ZNF410: variants seen among roughly 807,000 people sequenced by gnomAD.
ZNF410 encodes the protein zinc finger protein 410.
A neutral mutation model predicts 54.8 loss-of-function variants in ZNF410; 18 were observed. That is an observed-to-expected ratio of 0.33 (90% CI 0.23 to 0.49). The LOEUF is 0.49. ZNF410 is among the 20% of genes least tolerant of loss of function. The pLI, the probability that ZNF410 is intolerant of heterozygous loss-of-function variation, is 0.99. For synonymous variants in ZNF410, 191 were observed against 207.3 expected (o/e 0.92, Z 0.68); for missense variants, 405 against 569.6 (o/e 0.71, Z 2.94).
chr14:73,927,301 A>C (rs1594769690), intron 11 of ZNF410: 1 of 157,738 alleles, frequency 6.3e-6, no homozygotes. Flanking sequence ...CTGGTCTTGA[A>C]CTCCTGACCT....
chr14:73,908,278 C>T (rs143372762), intron 7 of ZNF410, among the ~76,000 whole-genome samples: 79 of 152,244 alleles, frequency 5.2e-4, no homozygotes, highest in Non-Finnish European at 9.1e-4. Context: ...AGATTTCATG[C>T]CATTACATTC....
chr14:73,919,593 C>A (rs2055724110), intron 8 of ZNF410, among the ~76,000 whole-genome samples: 1 of 152,146 alleles, frequency 6.6e-6, no homozygotes, highest in South Asian at 2.1e-4. Context: ...CCAGCTGCAT[C>A]CATGTTGCTG....
Position 73,932,500 on chromosome 14 carries a change from C to T in ZNF410, c.*959C>T, listed in dbSNP as rs543742383. 6.6e-6 allele frequency: 3 copies of T among 452,354 alleles called. No homozygotes were observed. The highest frequency in any genetic ancestry group is 1.4e-4 in the East Asian group (2 of 14,336). The allele number at this position is 452,354 out of a possible 1,614,324, so 28.0% of individuals were successfully genotyped here. ...GCATCTGAGAAAATGGCAATAAAAA[C>T]AGATACTTCTGAATTTTTCCACAAA... On this transcript the variant is annotated 3_prime_UTR_variant, in exon 12 of 12. Coordinates refer to ENST00000555044, the MANE Select transcript of ZNF410 (RefSeq NM_021188.3).
At chr14:73,888,087 A>AGGGAACAGAGAACATTCT (rs1433892029) in intron 1 of ZNF410, among the ~76,000 whole-genome samples, 1 of 152,188 alleles carries the variant, frequency 6.6e-6, no homozygotes, top group East Asian at 1.9e-4. Flanking sequence ...GCATTACAGT[A>AGGGAACAGAGAACATTCT]GGGAACAGAG....
chr14:73,906,260 T>G (rs2055489039), intron 7 of ZNF410: 1 of 151,794 alleles, frequency 6.6e-6, no homozygotes, highest in Non-Finnish European at 1.5e-5. Flanking sequence ...CTCCTCAGCC[T>G]CCCAAAGTGC....
At chr14:73,922,032 G>T (rs970685168) in intron 9 of ZNF410, 34 bp from the exon 10 acceptor site, 10 of 1,610,568 alleles carry the variant, frequency 6.2e-6, no homozygotes, top group Non-Finnish European at 8.5e-6. Flanking sequence ...AGCCTTGATT[G>T]CTGTATGTCT....
At chr14:73,905,294 T>G in intron 7 of ZNF410, 1 of 475,752 alleles carries the variant, frequency 2.1e-6, no homozygotes. Context: ...ACAGTGTTGA[T>G]TTCTGTTTTC....
At chr14:73,892,650 T>G (rs2055249794) in intron 2 of ZNF410, among the ~76,000 whole-genome samples, 1 of 152,170 alleles carries the variant, frequency 6.6e-6, no homozygotes, top group African/African-American at 2.4e-5. Context: ...TACTTTAAAT[T>G]TAGCACATCT....
chr14:73,921,559 C>T (rs2055755369), intron 9 of ZNF410, among the ~76,000 whole-genome samples: 1 of 152,144 alleles, frequency 6.6e-6, no homozygotes, highest in Non-Finnish European at 1.5e-5. Context: ...CTCACTGCAA[C>T]CTCTGCCTCC....
At chr14:73,924,386 C>T (rs1186891206) in intron 11 of ZNF410, among the ~76,000 whole-genome samples, 1 of 152,166 alleles carries the variant, frequency 6.6e-6, no homozygotes, top group Non-Finnish European at 1.5e-5. Context: ...GGGCACGGAC[C>T]AGTGCTGGTC....
chr14:73,922,215 TCCAAC>T lies in ZNF410; in HGVS notation c.1270+10_1270+14del. On this transcript the variant is annotated intron_variant, in intron 10 of 11. Transcript: ENST00000555044. ...CCTGGGAGTTGATGATGGTAAGACT[TCCAAC>T]TCTCCTTTATTTGGGAAAAATGGGC... 1 of 1,611,754 alleles carries T rather than the reference TCCAAC, an allele frequency of 6.2e-7. No homozygotes were observed. The highest frequency in any genetic ancestry group is 8.5e-7 in the Non-Finnish European group (1 of 1,178,840).
chr14:73,901,883 G>A (rs75033565), intron 5 of ZNF410, among the ~76,000 whole-genome samples: 4,876 of 149,634 alleles, frequency 0.033, 158 homozygotes, highest in African/African-American at 0.083. Context: ...GCAGTGAACC[G>A]AGATCATGCC....
At chr14:73,891,475 T>C (rs1036744582) in intron 1 of ZNF410, among the ~76,000 whole-genome samples, 16 of 152,146 alleles carry the variant, frequency 1.1e-4, no homozygotes, top group Non-Finnish European at 2.1e-4. Flanking sequence ...TGCCTCAGTC[T>C]CCCGAGTAGC....
intron 2 of ZNF410, chr14:73,893,336 C>T (rs2055260839): frequency 6.6e-6 from 1 of 152,532 alleles, no homozygotes; most frequent in South Asian, 2.1e-4. Flanking sequence ...CATTATTATG[C>T]GAACATGGTA....
intron 3 of ZNF410, chr14:73,894,497 C>G: frequency 1.5e-6 from 1 of 682,504 alleles, no homozygotes; most frequent in South Asian, 1.5e-5. Flanking sequence ...TCTTGGCTCA[C>G]TGCAACCTCC....
In ZNF410 at chr14:73,932,388, A is replaced by G. The variant is rs772515614; in HGVS notation, c.*847A>G. 1.1e-5 allele frequency: 5 copies of G among 436,864 alleles called. No homozygotes were observed. The highest frequency in any genetic ancestry group is 8.3e-5 in the South Asian group (5 of 60,248). 27.1% of individuals were successfully genotyped at this position (436,864 alleles called of 1,614,324 possible). ...ACCCTTAGGATTCCATACCAGTAAA[A>G]CTGAACCGAGGAGTCTTAGGAAACA... On this transcript the variant is annotated 3_prime_UTR_variant, in exon 12 of 12. Coordinates refer to ENST00000555044, the MANE Select transcript of ZNF410 (RefSeq NM_021188.3).
rs896609107 is a variant in ZNF410 at position 73,902,235 on chromosome 14, A to AT, written c.581-1714dup. The AT allele has an allele frequency of 9.0e-3, 1,323 of 146,338 alleles. 12 individuals carry two copies. Among genetic ancestry groups the AT allele is most frequent in the African/African-American group, 0.031 (1,241 of 40,052 alleles). The allele number at this position is 146,338 out of a possible 1,614,324, so 9.1% of individuals were successfully genotyped here. A position where few individuals can be genotyped will look rare whatever the true frequency, so the allele number is the denominator to read the frequency against. Reference sequence around the variant, plus strand: ...AGGCTCCTGCCACCATGCCTGGCTAATTTTTTTTTTTGTATTTTTAGTAGA... The same window carrying AT: ...AGGCTCCTGCCACCATGCCTGGCTAATTTTTTTTTTTTGTATTTTTAGTAGA... On this transcript the variant is annotated intron_variant, in intron 5 of 11. Coordinates refer to ENST00000555044, the MANE Select transcript of ZNF410 (RefSeq NM_021188.3).
intron 4 of ZNF410, 23 bp downstream of exon 4, chr14:73,896,557 C>T: frequency 6.2e-7 from 1 of 1,604,528 alleles, no homozygotes; most frequent in Non-Finnish European, 8.5e-7. Flanking sequence ...TTTTTTTGGG[C>T]TCTGCTTATG....
Position 73,931,544 on chromosome 14 carries a change from G to C in ZNF410, c.*3G>C, listed in dbSNP as rs764596685. The C allele has an allele frequency of 6.2e-7, 1 of 1,609,706 alleles. No individual in the cohort carries two copies. Among genetic ancestry groups the C allele is most frequent in the Admixed American group, 1.7e-5 (1 of 58,346 alleles). ...ATTTAACTGAAAGACGGACATGAGC[G>C]TGGGTGCTGACTCCTGGAAGAGCAA... is the stretch of plus-strand genomic sequence containing the variant. On this transcript the variant is annotated 3_prime_UTR_variant, in exon 12 of 12. Transcript: ENST00000555044.
Sources: allele counts gnomAD v4.1 joint callset (sites outside exome capture counted in the v4.1 genomes callset), GRCh38; gene constraint gnomAD v4.1.1; transcripts MANE v1.5; gene names NCBI Gene and HGNC (gene_info 2026-07-23, HGNC 2026-07-21).